SLC4A10: variants seen among roughly 807,000 people sequenced by gnomAD.
The protein encoded by SLC4A10 is solute carrier family 4 member 10.
A neutral mutation model predicts 137.7 loss-of-function variants in SLC4A10; 42 were observed. The observed-to-expected ratio is 0.30, with a 90% CI of 0.24 to 0.39. The LOEUF (loss-of-function observed/expected upper bound fraction) is 0.39, where lower values mean the gene tolerates loss of function less well. Among genes scored for constraint, SLC4A10 ranks in the 10% least tolerant of loss-of-function variants. The pLI is 1.00. For missense variants in SLC4A10, 925 were observed against 1,355.0 expected, an observed-to-expected ratio of 0.68 and a Z score of 4.98; for synonymous variants, 474 against 464.1, an observed-to-expected ratio of 1.02 and a Z score of -0.27.
At chr2:161,737,488 T>A (rs2125224625) in intron 1 of SLC4A10, among the ~76,000 whole-genome samples, 1 of 151,978 alleles carries the variant, frequency 6.6e-6, no homozygotes, top group Non-Finnish European at 1.5e-5. Context: ...TCTTATTAAT[T>A]AATCACTTGA....
chr2:161,682,453 A>G (rs1415024732), intron 1 of SLC4A10, among the ~76,000 whole-genome samples: 1 of 152,192 alleles, frequency 6.6e-6, no homozygotes, highest in African/African-American at 2.4e-5. Flanking sequence ...TTCAATGGTA[A>G]GGCAAATGAA....
chr2:161,898,597 CCT>C (rs2063758704), intron 11 of SLC4A10, among the ~76,000 whole-genome samples: 1 of 151,746 alleles, frequency 6.6e-6, no homozygotes, highest in Non-Finnish European at 1.5e-5. Context: ...ATATTTTTTC[CCT>C]TTCAGTTAAG....
In SLC4A10 at chr2:161,971,891, C is replaced by G. The variant is rs1358817418; in HGVS notation, c.3160-2358C>G. 2.6e-5 allele frequency among the ~76,000 whole-genome samples: 4 copies of G among 152,232 alleles called. No individual in the cohort carries two copies. In the East Asian group the frequency reaches 7.7e-4, roughly 29 times the overall value. On this transcript the variant is annotated intron_variant, in intron 23 of 26. Coordinates refer to ENST00000446997, the MANE Select transcript of SLC4A10 (RefSeq NM_001178015.2). ...TATAAAGCCCACACATGCTAACAAG[C>G]CACAGAGTGCAAAATAATTATTGAA...
At chr2:161,936,371 A>T (rs1430298048) in intron 15 of SLC4A10, among the ~76,000 whole-genome samples, 3 of 152,076 alleles carry the variant, frequency 2.0e-5, no homozygotes, top group Admixed American at 2.0e-4. Flanking sequence ...TTAGTTCTTC[A>T]TTAAATGGTT....
chr2:161,660,185 A>C lies in SLC4A10; in HGVS notation c.48+35619A>C, dbSNP rs76216740. Among the ~76,000 whole-genome samples the C allele has an allele frequency of 7.3e-3, 1,115 of 152,338 alleles. 10 individuals are homozygous for C. The highest frequency in any genetic ancestry group is 8.7e-3 in the East Asian group (45 of 5,186). On this transcript the variant is annotated intron_variant, in intron 1 of 26. Transcript: ENST00000446997. ...ATGGTATATGAATTACATCTCAATA[A>C]AACTGCTAAAAATAAAGAATTGCAT...
intron 24 of SLC4A10, among the ~76,000 whole-genome samples, chr2:161,974,536 T>C (rs1699080818): frequency 6.6e-6 from 1 of 152,312 alleles, no homozygotes; most frequent in East Asian, 1.9e-4. Context: ...AGCAGGAAGC[T>C]GTTGTCTGAA....
At chr2:161,642,805 G>T (rs1323806419) in intron 1 of SLC4A10, among the ~76,000 whole-genome samples, 3 of 151,914 alleles carry the variant, frequency 2.0e-5, no homozygotes, top group Admixed American at 2.0e-4. Context: ...TGAAAAATAG[G>T]TCAGTACAAA....
intron 3 of SLC4A10, among the ~76,000 whole-genome samples, chr2:161,815,643 T>TA (rs529138146): frequency 2.6e-5 from 4 of 152,224 alleles, no homozygotes; most frequent in Admixed American, 2.0e-4. Flanking sequence ...TGAGAAGCTT[T>TA]AAAAAAATTA....
At chr2:161,729,166 A>G (rs1168500415) in intron 1 of SLC4A10, among the ~76,000 whole-genome samples, 3 of 152,220 alleles carry the variant, frequency 2.0e-5, no homozygotes, top group Non-Finnish European at 4.4e-5. Flanking sequence ...CACCACTCTT[A>G]TTCAACATCA....
intron 2 of SLC4A10, among the ~76,000 whole-genome samples, chr2:161,790,425 T>G (rs1301618220): frequency 2.0e-5 from 3 of 152,208 alleles, no homozygotes; most frequent in African/African-American, 7.2e-5. Context: ...TTTCTGGTAT[T>G]ATTAGTTGAT....
intron 1 of SLC4A10, among the ~76,000 whole-genome samples, chr2:161,753,228 T>C (rs2125315715): frequency 6.6e-6 from 1 of 152,286 alleles, no homozygotes; most frequent in East Asian, 1.9e-4. Context: ...TTCATTTTTA[T>C]ACTTTCAGTG....
chr2:161,636,885 T>C (rs1430783974), intron 1 of SLC4A10, among the ~76,000 whole-genome samples: 1 of 150,688 alleles, frequency 6.6e-6, no homozygotes, highest in Non-Finnish European at 1.5e-5. Context: ...TATTTTTATT[T>C]TTATTTTTAT....
At position 161,925,179 on chromosome 2, in the gene SLC4A10, G is replaced by T. The variant is rs965326575; in HGVS notation, c.1998-17613G>T. ...GAGTAGGAGTTTCCATCTGGTCCTG[G>T]ACTCTTTTTGGTTGGTAAGCTATTG... On this transcript the variant is annotated intron_variant, in intron 15 of 26. Transcript: ENST00000446997. 3.3e-5 allele frequency among the ~76,000 whole-genome samples: 5 copies of T among 152,128 alleles called. 1 individual carries two copies. The highest frequency in any genetic ancestry group is 2.6e-4 in the Admixed American group (4 of 15,268).
intron 15 of SLC4A10, among the ~76,000 whole-genome samples, chr2:161,906,376 T>A (rs536421270): frequency 3.9e-4 from 60 of 152,280 alleles, no homozygotes; most frequent in African/African-American, 1.4e-3. Context: ...GAAAATTTAA[T>A]TTTGGTTTTG....
chr2:161,744,201 T>C (rs2048189219), intron 1 of SLC4A10, among the ~76,000 whole-genome samples: 1 of 152,156 alleles, frequency 6.6e-6, no homozygotes, highest in Non-Finnish European at 1.5e-5. Context: ...ATCCTTGTCA[T>C]GTTTCACATC....
intron 10 of SLC4A10, among the ~76,000 whole-genome samples, chr2:161,884,491 AT>A (rs1448391797): frequency 1.3e-5 from 2 of 152,172 alleles, no homozygotes; most frequent in Non-Finnish European, 2.9e-5. Flanking sequence ...TAAATTTCAG[AT>A]TTAGGATGAG....
At chr2:161,977,839 C>T in intron 26 of SLC4A10, 79 bp downstream of exon 26, 1 of 1,347,998 alleles carries the variant, frequency 7.4e-7, no homozygotes, top group African/African-American at 1.5e-5. Flanking sequence ...CCTGGTCAGT[C>T]TATGTCCTCT....
At chr2:161,676,661 T>G (rs2040307695) in intron 1 of SLC4A10, among the ~76,000 whole-genome samples, 1 of 152,230 alleles carries the variant, frequency 6.6e-6, no homozygotes, top group African/African-American at 2.4e-5. Flanking sequence ...GCTGTCCCTT[T>G]ACTTTGGAGC....
Position 161,872,354 on chromosome 2 carries a change from C to T in SLC4A10, c.828C>T (p.Ser276=). The change falls in exon 7 of 27, where the codon AGC becomes AGT. Residue 276 remains serine, a synonymous_variant. Coordinates refer to ENST00000446997, the MANE Select transcript of SLC4A10 (RefSeq NM_001178015.2). ...PACVENKNDV[S]RENSTVDFSK... The stretch of plus-strand genomic sequence containing the variant: ...GTGTTGAAAATAAAAATGATGTTAG[C>T]AGAGAAAACAGCACTGTTGACTTTA... The T allele has an allele frequency of 6.2e-7, 1 of 1,613,554 alleles. No homozygotes were observed. The highest frequency in any genetic ancestry group is 8.5e-7 in the Non-Finnish European group (1 of 1,179,660).
Sources: allele counts gnomAD v4.1 joint callset (sites outside exome capture counted in the v4.1 genomes callset), GRCh38; gene constraint gnomAD v4.1.1; transcripts MANE v1.5; gene names NCBI Gene and HGNC (gene_info 2026-07-23, HGNC 2026-07-21).